The following RAB3D variants were observed in gnomAD, a reference collection of about 807,000 sequenced individuals.
RAB3D encodes ras-related protein Rab-3D.
A neutral mutation model predicts 19.3 loss-of-function variants in RAB3D; 17 were observed. The ratio of observed to expected loss-of-function variants is 0.88; its 90% confidence interval spans 0.60 to 1.32. The LOEUF is 1.32. RAB3D is among the 40% of genes most tolerant of loss of function. The pLI, the probability that RAB3D is intolerant of heterozygous loss-of-function variation, is 0.00. For synonymous variants in RAB3D, 103 were observed against 119.9 expected, an observed-to-expected ratio of 0.86 and a Z score of 0.92; for missense variants, 223 against 299.1, an observed-to-expected ratio of 0.75 and a Z score of 1.88.
chr19:11,325,609 C>A, intron 4 of RAB3D, 24 bp from the exon 5 acceptor site: 1 of 1,490,958 alleles, frequency 6.7e-7, no homozygotes. Context: ...AAGGTGGGGA[C>A]ACTCGTAAGA....
At chr19:11,327,342 G>A (rs1449252366) in intron 4 of RAB3D, among the ~76,000 whole-genome samples, 4 of 152,274 alleles carry the variant, frequency 2.6e-5, no homozygotes, top group Non-Finnish European at 4.4e-5. Flanking sequence ...TGTCTTCCTG[G>A]GCAAATCTGG....
chr19:11,326,647 A>C (rs564884557), intron 4 of RAB3D: 5 of 530,214 alleles, frequency 9.4e-6, no homozygotes, highest in East Asian at 6.7e-5. Flanking sequence ...TCTATTGCCC[A>C]GGCCGGGGTG....
At chr19:11,332,767 C>T (rs907688617) in intron 4 of RAB3D, among the ~76,000 whole-genome samples, 2 of 152,052 alleles carry the variant, frequency 1.3e-5, no homozygotes, top group African/African-American at 4.8e-5. Context: ...AAGCACATGC[C>T]ACCATTCCTG....
chr19:11,336,673 C>G (rs1224540559), intron 2 of RAB3D, among the ~76,000 whole-genome samples: 2 of 151,620 alleles, frequency 1.3e-5, no homozygotes, highest in African/African-American at 4.8e-5. Context: ...AGGAATAATA[C>G]TGTTTCCCGC....
intron 2 of RAB3D, 32 bp from the exon 3 acceptor site, chr19:11,335,815 A>T: frequency 1.3e-6 from 2 of 1,593,790 alleles, no homozygotes; most frequent in East Asian, 2.2e-5. Context: ...TTGGCTGGGA[A>T]CTACCTGTTT....
Position 11,324,460 on chromosome 19 carries a change from T to C in RAB3D, c.*938A>G, listed in dbSNP as rs1373810969. On this transcript the variant is annotated 3_prime_UTR_variant, in exon 5 of 5. Coordinates refer to ENST00000222120, the MANE Select transcript of RAB3D (RefSeq NM_004283.4). ...TGCTTCATTTCCTTTTCTAGCAGGA[T>C]GCATGATTGGGCAAGAACTTGCTTA... The C allele has an allele frequency of 6.6e-6, 1 of 152,470 alleles. No homozygotes were observed. Among genetic ancestry groups the C allele is most frequent in the African/African-American group, 2.4e-5 (1 of 41,424 alleles). 9.4% of individuals were successfully genotyped at this position (152,470 alleles called of 1,614,324 possible).
chr19:11,337,592 T>C lies in RAB3D; in HGVS notation c.-61-132A>G, dbSNP rs569307312. On this transcript the variant is annotated intron_variant, in intron 1 of 4. Transcript: ENST00000222120. ...GCCCCCTCTAGACCTCAGTGTCCTC[T>C]TCTAAAAAATGGGATGTTTGTCACA... 17 of 557,830 alleles carry C rather than the reference T, an allele frequency of 3.0e-5. No individual in the cohort carries two copies. The South Asian group carries it at 3.8e-4, about 12-fold the overall frequency. 34.6% of individuals were successfully genotyped at this position (557,830 alleles called of 1,614,324 possible).
At chr19:11,327,166 G>A (rs1458386553) in intron 4 of RAB3D, among the ~76,000 whole-genome samples, 1 of 152,228 alleles carries the variant, frequency 6.6e-6, no homozygotes, top group Non-Finnish European at 1.5e-5. Context: ...GCTCCAGGCA[G>A]GCAGGATTTC....
In RAB3D at chr19:11,324,432, C is replaced by T. The variant is rs1353914312; in HGVS notation, c.*966G>A. On this transcript the variant is annotated 3_prime_UTR_variant, in exon 5 of 5. Transcript: ENST00000222120. ...GACAACTGCCTGCGGTGGCTGGGAACGTTGCTTCATTTCCTTTTCTAGCAG... is the reference window on the plus strand; with the variant it reads ...GACAACTGCCTGCGGTGGCTGGGAATGTTGCTTCATTTCCTTTTCTAGCAG... The T allele has an allele frequency of 1.3e-5, 2 of 152,254 alleles. No homozygotes were observed. Among genetic ancestry groups the T allele is most frequent in the African/African-American group, 2.4e-5 (1 of 41,428 alleles). 9.4% of individuals were successfully genotyped at this position (152,254 alleles called of 1,614,324 possible).
At chr19:11,338,152 G>A (rs980794632) in intron 1 of RAB3D, among the ~76,000 whole-genome samples, 1 of 151,924 alleles carries the variant, frequency 6.6e-6, no homozygotes, top group African/African-American at 2.4e-5. Context: ...TAGAGCTGGG[G>A]CACAAAAAAT....
intron 4 of RAB3D, chr19:11,326,660 G>A (rs2080814994): frequency 1.7e-6 from 1 of 576,716 alleles, no homozygotes; most frequent in Non-Finnish European, 3.1e-6. Context: ...CCGGGGTGTA[G>A]TGGTATGAAC....
rs2080839957 is a variant in RAB3D, at chr19:11,332,864, T to C, written c.472+2583A>G. 2.0e-5 allele frequency among the ~76,000 whole-genome samples: 3 copies of C among 151,970 alleles called. No individual in the cohort carries two copies. The South Asian group carries it at 6.2e-4, about 31-fold the overall frequency. On this transcript the variant is annotated intron_variant, in intron 4 of 4. Transcript: ENST00000222120. ...ACTCCATCTCAAAAAAAAAAAGTGT[T>C]AAGAACATCTGTGAATCAAGCTGGC... is the stretch of plus-strand genomic sequence containing the variant.
chr19:11,337,377 TGGGTGTCTCCAGC>T lies in RAB3D; in HGVS notation c.10_22del (p.Ala4ArgfsTer20), dbSNP rs779701891. ...ATCTGCTGCATCCCGTGGGCCTGCC[TGGGTGTCTCCAGC>T]TGATGCCATCTTGGCACAAGCCTCC... On this transcript the variant is annotated frameshift_variant, in exon 2 of 5. Coordinates refer to ENST00000222120, the MANE Select transcript of RAB3D (RefSeq NM_004283.4). LOFTEE classifies it high-confidence loss of function. 6.2e-7 allele frequency: 1 copy of T among 1,613,958 alleles called. No homozygotes were observed. The highest frequency in any genetic ancestry group is 2.2e-5 in the East Asian group (1 of 44,878).
intron 4 of RAB3D, among the ~76,000 whole-genome samples, chr19:11,332,166 G>A (rs765351476): frequency 6.6e-6 from 1 of 152,092 alleles, no homozygotes. Flanking sequence ...CTGAGTAGCC[G>A]GAATTACAGG....
chr19:11,322,480 T>A lies in RAB3D; in HGVS notation c.*2918A>T, dbSNP rs1043800009. ...AAGGAAGGCACTGGTTAGTGGGTGGTCCTGACCAATCCCCTGGAGCTGGAG... is the reference window on the plus strand; with the variant it reads ...AAGGAAGGCACTGGTTAGTGGGTGGACCTGACCAATCCCCTGGAGCTGGAG... On this transcript the variant is annotated 3_prime_UTR_variant, in exon 5 of 5. Coordinates refer to ENST00000222120, the MANE Select transcript of RAB3D (RefSeq NM_004283.4). 6.6e-6 allele frequency: 1 copy of A among 152,136 alleles called. No individual in the cohort carries two copies. Among genetic ancestry groups the A allele is most frequent in the Admixed American group, 6.6e-5 (1 of 15,250 alleles). 9.4% of individuals were successfully genotyped at this position (152,136 alleles called of 1,614,324 possible).
Position 11,323,866 on chromosome 19 carries a change from TGTTG to T in RAB3D, c.*1528_*1531del, listed in dbSNP as rs2080795647. 6.6e-6 allele frequency: 1 copy of T among 151,986 alleles called. No individual in the cohort carries two copies. The highest frequency in any genetic ancestry group is 1.5e-5 in the Non-Finnish European group (1 of 68,014). The allele number at this position is 151,986 out of a possible 1,614,324, so 9.4% of individuals were successfully genotyped here. A position where few individuals can be genotyped will look rare whatever the true frequency, so the allele number is the denominator to read the frequency against. Reference sequence around the variant, plus strand: ...TAACAGTGCTGGTCCTGTGAAGGGGTGTTGGTTGGTGTTTGGGAGCAAAGAAAAG... The same window carrying T: ...TAACAGTGCTGGTCCTGTGAAGGGGTGTTGGTGTTTGGGAGCAAAGAAAAG... On this transcript the variant is annotated 3_prime_UTR_variant, in exon 5 of 5. Transcript: ENST00000222120.
chr19:11,326,964 T>A, intron 4 of RAB3D: 1 of 489,292 alleles, frequency 2.0e-6, no homozygotes. Context: ...TGTCCCTGAA[T>A]CTCCATGCAG....
Position 11,336,964 on chromosome 19 carries a change from T to G in RAB3D, c.228+208A>C, listed in dbSNP as rs866445286. Among the ~76,000 whole-genome samples the G allele has an allele frequency of 1.3e-4, 19 of 144,314 alleles. 1 individual carries two copies. The highest frequency in any genetic ancestry group is 4.4e-4 in the South Asian group (2 of 4,516). 94.7% of individuals were successfully genotyped at this position (144,314 alleles called of 152,430 possible). On this transcript the variant is annotated intron_variant, in intron 2 of 4. Coordinates refer to ENST00000222120, the MANE Select transcript of RAB3D (RefSeq NM_004283.4). ...CAGCCTGGGCGACAGAGCAAGACTCTGTCTCGAGAGAAAAAAAAAAAAAAA... is the reference window on the plus strand; with the variant it reads ...CAGCCTGGGCGACAGAGCAAGACTCGGTCTCGAGAGAAAAAAAAAAAAAAA...
chr19:11,339,214 G>A (rs1966927376), intron 1 of RAB3D, among the ~76,000 whole-genome samples: 1 of 152,142 alleles, frequency 6.6e-6, no homozygotes, highest in Admixed American at 6.6e-5. Context: ...CTCAAGCCTG[G>A]CCCCGGAGGG....
Sources: gnomAD v4.1 joint callset for allele counts (sites outside exome capture counted in the v4.1 genomes callset) on GRCh38, gnomAD v4.1.1 for gene constraint, MANE v1.5 for transcripts, NCBI Gene and HGNC (gene_info 2026-07-23, HGNC 2026-07-21) for gene names.